The following IL1RAPL2 variants were observed in gnomAD, a reference collection of about 807,000 sequenced individuals.
IL1RAPL2 encodes the protein X-linked interleukin-1 receptor accessory protein-like 2.
A neutral mutation model predicts 44.1 loss-of-function variants in IL1RAPL2; 3 were observed. The observed-to-expected ratio is 0.07, with a 90% CI of 0.03 to 0.18. IL1RAPL2 has a LOEUF of 0.18. IL1RAPL2 is among the 10% of genes least tolerant of loss of function. IL1RAPL2 has a pLI of 1.00. For synonymous variants in IL1RAPL2, 181 were observed against 178.8 expected, an observed-to-expected ratio of 1.01 and a Z score of -0.10; for missense variants, 391 against 496.4, an observed-to-expected ratio of 0.79 and a Z score of 2.02.
chrX:105,604,960 T>C (rs2081955489), intron 6 of IL1RAPL2, among the ~76,000 whole-genome samples: 1 of 110,737 alleles, frequency 9.0e-6, no homozygotes, highest in Non-Finnish European at 1.9e-5. Flanking sequence ...AAACACTCCC[T>C]ACAAAGTATG....
chrX:104,899,119 G>C (rs1208247437), intron 2 of IL1RAPL2, among the ~76,000 whole-genome samples: 2 of 111,575 alleles, frequency 1.8e-5, no homozygotes, highest in African/African-American at 6.5e-5. Context: ...TTTTACATTT[G>C]CAATCGGCCT....
intron 2 of IL1RAPL2, among the ~76,000 whole-genome samples, chrX:104,962,935 A>G (rs2030036937): frequency 8.9e-6 from 1 of 111,764 alleles, no homozygotes; most frequent in African/African-American, 3.3e-5. Context: ...GTTAATAGTT[A>G]CACAAATGCT....
At chrX:104,920,308 ATAG>A (rs1394877506) in intron 2 of IL1RAPL2, among the ~76,000 whole-genome samples, 1 of 110,330 alleles carries the variant, frequency 9.1e-6, no homozygotes, top group African/African-American at 3.3e-5. Flanking sequence ...ACACTACCAA[ATAG>A]TAGTAGCAAC....
At chrX:105,507,372 C>T (rs1391440582) in intron 6 of IL1RAPL2, among the ~76,000 whole-genome samples, 2 of 111,594 alleles carry the variant, frequency 1.8e-5, no homozygotes, top group African/African-American at 6.5e-5. Flanking sequence ...GCGTGGCCAT[C>T]AAGTCAAAAT....
intron 2 of IL1RAPL2, among the ~76,000 whole-genome samples, chrX:104,943,114 T>G (rs1052371981): frequency 4.5e-5 from 5 of 111,405 alleles, no homozygotes; most frequent in Non-Finnish European, 9.4e-5. Flanking sequence ...TATTGAGGAT[T>G]TTTCATCGAT....
chrX:105,022,577 G>C (rs1299227303), intron 2 of IL1RAPL2, among the ~76,000 whole-genome samples: 6 of 110,934 alleles, frequency 5.4e-5, no homozygotes, highest in South Asian at 7.6e-4. Flanking sequence ...TTGACTTTCA[G>C]CTCTGTGATT....
intron 2 of IL1RAPL2, among the ~76,000 whole-genome samples, chrX:105,115,558 A>G (rs2032847219): frequency 8.9e-6 from 1 of 112,295 alleles, no homozygotes; most frequent in African/African-American, 3.2e-5. Flanking sequence ...AGCTAGACAC[A>G]GAGTGCTGAT....
chrX:105,663,744 T>C (rs2037737214), intron 6 of IL1RAPL2, among the ~76,000 whole-genome samples: 1 of 111,990 alleles, frequency 8.9e-6, no homozygotes, highest in African/African-American at 3.2e-5. Flanking sequence ...CAGAGAAAAG[T>C]CTTGACATGA....
chrX:105,474,229 C>T lies in IL1RAPL2; in HGVS notation c.698-10084C>T, dbSNP rs141819372. Among the ~76,000 whole-genome samples the T allele has an allele frequency of 5.5e-3, 605 of 110,988 alleles. 5 individuals are homozygous for T. The highest frequency in any genetic ancestry group is 0.018 in the African/African-American group (562 of 30,528). On this transcript the variant is annotated intron_variant, in intron 5 of 10. Transcript: ENST00000372582. ...GCTGGCTTTGAAGATGAAAAATGGCCAAGCACCAATGAATGCAGACAGACT... is the reference window on the plus strand; with the variant it reads ...GCTGGCTTTGAAGATGAAAAATGGCTAAGCACCAATGAATGCAGACAGACT...
intron 6 of IL1RAPL2, among the ~76,000 whole-genome samples, chrX:105,659,674 TA>T (rs1337877548): frequency 1.3e-4 from 13 of 102,389 alleles, no homozygotes; most frequent in Non-Finnish European, 1.8e-4. Flanking sequence ...ATAAATAAAA[TA>T]AAAAAAAATA....
intron 2 of IL1RAPL2, among the ~76,000 whole-genome samples, chrX:104,935,756 A>G (rs1365837767): frequency 7.2e-5 from 8 of 111,656 alleles, no homozygotes; most frequent in Non-Finnish European, 1.1e-4. Flanking sequence ...CACAGAGTGG[A>G]CTGGATACTT....
In IL1RAPL2 at chrX:105,304,875, T is replaced by A. The variant is rs2034722819; in HGVS notation, c.697+37334T>A. 2.7e-5 allele frequency among the ~76,000 whole-genome samples: 3 copies of A among 111,699 alleles called. No individual in the cohort carries two copies. The South Asian group carries it at 1.1e-3, about 42-fold the overall frequency. On this transcript the variant is annotated intron_variant, in intron 5 of 10. Coordinates refer to ENST00000372582, the MANE Select transcript of IL1RAPL2 (RefSeq NM_017416.2). ...ACTTGAGACTGAGTAATCTATAAAG[T>A]AAAGCAGTTTAATTGGCTCACGGTT...
chrX:105,615,626 C>A (rs2147828723), intron 6 of IL1RAPL2, among the ~76,000 whole-genome samples: 1 of 111,704 alleles, frequency 9.0e-6, no homozygotes, highest in African/African-American at 3.2e-5. Flanking sequence ...GGGAGCTAAA[C>A]ATCAAAACAG....
intron 2 of IL1RAPL2, among the ~76,000 whole-genome samples, chrX:105,020,264 C>T (rs1164551631): frequency 9.0e-6 from 1 of 111,321 alleles, no homozygotes; most frequent in Non-Finnish European, 1.9e-5. Context: ...GGATTATAGG[C>T]GTGTATCACT....
intron 6 of IL1RAPL2, among the ~76,000 whole-genome samples, chrX:105,574,720 C>T (rs1009866038): frequency 1.8e-5 from 2 of 111,624 alleles, no homozygotes; most frequent in African/African-American, 6.5e-5. Context: ...CACTTGAATA[C>T]ACAATCAGCT....
chrX:105,407,550 C>A (rs1249314697), intron 5 of IL1RAPL2, among the ~76,000 whole-genome samples: 1 of 111,755 alleles, frequency 8.9e-6, no homozygotes, highest in Non-Finnish European at 1.9e-5. Context: ...GACGCCTCCC[C>A]TCTTTAAATA....
At chrX:104,843,080 T>C (rs1422816198) in intron 2 of IL1RAPL2, among the ~76,000 whole-genome samples, 1 of 112,106 alleles carries the variant, frequency 8.9e-6, no homozygotes, top group Non-Finnish European at 1.9e-5. Context: ...CTGGGGCTGC[T>C]GCATTTCCTA....
At chrX:104,877,475 G>A (rs1198741477) in intron 2 of IL1RAPL2, among the ~76,000 whole-genome samples, 1 of 112,192 alleles carries the variant, frequency 8.9e-6, no homozygotes, top group South Asian at 3.7e-4. Context: ...TACCAAAGCC[G>A]GGCAGAGACA....
chrX:105,233,208 C>T (rs1168650953), intron 3 of IL1RAPL2, among the ~76,000 whole-genome samples: 9 of 110,839 alleles, frequency 8.1e-5, no homozygotes, highest in Middle Eastern at 4.6e-3. Flanking sequence ...GGCTTGAACC[C>T]GGGAAGCAGA....
Sources: allele counts gnomAD v4.1 joint callset (sites outside exome capture counted in the v4.1 genomes callset), GRCh38; gene constraint gnomAD v4.1.1; transcripts MANE v1.5; gene names NCBI Gene and HGNC (gene_info 2026-07-23, HGNC 2026-07-21).